The following PTPRO variants were observed in gnomAD, a reference collection of about 807,000 sequenced individuals.
PTPRO encodes the protein protein tyrosine phosphatase receptor type O, also known as receptor-type tyrosine-protein phosphatase O.
PTPRO carries 62 observed loss-of-function variants against 145.2 expected under a neutral mutation model. The ratio of observed to expected loss-of-function variants is 0.43; its 90% CI spans 0.35 to 0.53. The LOEUF is 0.53. Among genes scored for constraint, PTPRO ranks in the 20% least tolerant of loss-of-function variants. The pLI, the probability that PTPRO is intolerant of heterozygous loss-of-function variation, is 0.01. For synonymous variants in PTPRO, 565 were observed against 514.7 expected, an observed-to-expected ratio of 1.10 and a Z score of -1.32; for missense variants, 1,345 against 1,482.7, an observed-to-expected ratio of 0.91 and a Z score of 1.53.
intron 1 of PTPRO, among the ~76,000 whole-genome samples, chr12:15,444,433 A>G (rs1940849699): frequency 1.3e-5 from 2 of 152,272 alleles, no homozygotes; most frequent in South Asian, 2.1e-4. Context: ...AAACCTCAGC[A>G]TCACACAATA....
intron 7 of PTPRO, among the ~76,000 whole-genome samples, chr12:15,514,294 A>G (rs1022331896): frequency 2.0e-5 from 3 of 151,998 alleles, no homozygotes; most frequent in African/African-American, 7.2e-5. Context: ...TCTACTAAAA[A>G]TACAAAAATT....
chr12:15,347,995 T>G (rs372216422), intron 1 of PTPRO, among the ~76,000 whole-genome samples: 1 of 152,132 alleles, frequency 6.6e-6, no homozygotes, highest in East Asian at 1.9e-4. Flanking sequence ...TATTTATAGA[T>G]CATCTAAAAT....
At chr12:15,469,549 G>A (rs1420904857) in intron 1 of PTPRO, among the ~76,000 whole-genome samples, 1 of 152,140 alleles carries the variant, frequency 6.6e-6, no homozygotes, top group Non-Finnish European at 1.5e-5. Flanking sequence ...TCTCAGCACA[G>A]TAGGCCCTAA....
In PTPRO at chr12:15,355,494, T is replaced by C. The variant is rs538764471; in HGVS notation, c.75+32693T>C. Reference sequence around the variant, plus strand: ...AAACCCTTCCAGCATGTAAATGCAATGCTTGGTGAGGCCTTTCCTGAAAAG... The same window carrying C: ...AAACCCTTCCAGCATGTAAATGCAACGCTTGGTGAGGCCTTTCCTGAAAAG... On this transcript the variant is annotated intron_variant, in intron 1 of 26. Transcript: ENST00000281171. Among the ~76,000 whole-genome samples, 6 of 151,002 alleles carry C rather than the reference T, an allele frequency of 4.0e-5. No homozygotes were observed. The South Asian group carries it at 1.3e-3, about 32-fold the overall frequency.
intron 1 of PTPRO, among the ~76,000 whole-genome samples, chr12:15,481,571 A>C (rs1316175713): frequency 6.6e-6 from 1 of 152,206 alleles, no homozygotes; most frequent in Non-Finnish European, 1.5e-5. Context: ...CATGAAAAGC[A>C]CTTAGCATAT....
Position 15,409,828 on chromosome 12 carries a change from C to T in PTPRO, c.76-74146C>T, listed in dbSNP as rs573224149. On this transcript the variant is annotated intron_variant, in intron 1 of 26. Transcript: ENST00000281171. ...CAGTACCAAGGGGGAGGGTGCTAAA[C>T]CCTTCATGAGAAATCTACCCCCATG... Among the ~76,000 whole-genome samples, 5 of 152,312 alleles carry T rather than the reference C, an allele frequency of 3.3e-5. No individual in the cohort carries two copies. The South Asian group carries it at 1.0e-3, about 32-fold the overall frequency.
chr12:15,406,377 G>C (rs1033750406), intron 1 of PTPRO, among the ~76,000 whole-genome samples: 4 of 152,154 alleles, frequency 2.6e-5, no homozygotes, highest in Admixed American at 2.6e-4. Flanking sequence ...TGAAATTCGT[G>C]TTTCTGGAGC....
At chr12:15,504,427 G>T (rs937315445) in intron 6 of PTPRO, among the ~76,000 whole-genome samples, 1 of 152,152 alleles carries the variant, frequency 6.6e-6, no homozygotes, top group African/African-American at 2.4e-5. Flanking sequence ...TTATAGGACT[G>T]TGAAAAATCT....
At chr12:15,503,537 T>A (rs1428730230) in intron 5 of PTPRO, among the ~76,000 whole-genome samples, 1 of 152,174 alleles carries the variant, frequency 6.6e-6, no homozygotes, top group Admixed American at 6.6e-5. Context: ...AGATATTTGA[T>A]CCTGGTTATT....
chr12:15,354,511 A>G (rs1292789054), intron 1 of PTPRO, among the ~76,000 whole-genome samples: 1 of 152,156 alleles, frequency 6.6e-6, no homozygotes, highest in Non-Finnish European at 1.5e-5. Context: ...GTTTTCTCAT[A>G]AATGCATTTT....
At chr12:15,394,405 A>G (rs1481607745) in intron 1 of PTPRO, among the ~76,000 whole-genome samples, 6 of 152,054 alleles carry the variant, frequency 3.9e-5, no homozygotes, top group Non-Finnish European at 8.8e-5. Context: ...AGTAGTGCCA[A>G]GCAGCGGCAT....
At chr12:15,497,080 G>A (rs1393881905) in intron 2 of PTPRO, among the ~76,000 whole-genome samples, 165 bp from the exon 3 acceptor site, 2 of 152,216 alleles carry the variant, frequency 1.3e-5, no homozygotes, top group Admixed American at 1.3e-4. Context: ...ATTAATTACT[G>A]CTAAGAACAT....
rs1296944248 is a variant in PTPRO, at chr12:15,580,057, G to T, written c.2939G>T (p.Arg980Ile). The part of the protein sequence containing the change: ...NILPYDFSRV[R>I]LVSMNEEEGA... ...TCTACAGATGACTTCAGCCGTGTGA[G>T]ATTAGTCTCCATGAATGAAGAGGAA... Residue 980 changes from arginine to isoleucine, a missense_variant, in exon 21 of 27, where the codon AGA (arginine) becomes ATA (isoleucine). Physicochemically the swap from Arg to Ile is moderately conservative, Grantham distance 97. Coordinates refer to ENST00000281171, the MANE Select transcript of PTPRO (RefSeq NM_030667.3). 6.2e-7 allele frequency: 1 copy of T among 1,612,724 alleles called. No homozygotes were observed. The highest frequency in any genetic ancestry group is 1.3e-5 in the African/African-American group (1 of 74,856).
chr12:15,435,319 A>G (rs929754352), intron 1 of PTPRO, among the ~76,000 whole-genome samples: 1 of 152,212 alleles, frequency 6.6e-6, no homozygotes, highest in African/African-American at 2.4e-5. Flanking sequence ...CACAATTTTC[A>G]TATGTATTGA....
At position 15,549,057 on chromosome 12, in the gene PTPRO, G is replaced by A. The variant is rs1226849446; in HGVS notation, c.2305-37G>A. The A allele has an allele frequency of 1.1e-5, 17 of 1,604,146 alleles. No homozygotes were observed. In the South Asian group the frequency reaches 1.9e-4, roughly 18 times the overall value. On this transcript the variant is annotated intron_variant, in intron 13 of 26. Coordinates refer to ENST00000281171, the MANE Select transcript of PTPRO (RefSeq NM_030667.3). The stretch of plus-strand genomic sequence containing the variant: ...TATATTTTTAAAAAATATAGATGAA[G>A]TTAACCTAAAATTTACCTTATTTTC...
intron 12 of PTPRO, among the ~76,000 whole-genome samples, chr12:15,545,413 T>A (rs1185371231): frequency 1.3e-5 from 2 of 150,158 alleles, no homozygotes; most frequent in Non-Finnish European, 3.0e-5. Context: ...AAACCTTGAG[T>A]TCAGGCACAG....
Position 15,526,148 on chromosome 12 carries a change from C to T in PTPRO, c.2050C>T (p.Arg684Cys), listed in dbSNP as rs754853238. 49 of 1,613,812 alleles carry T rather than the reference C, an allele frequency of 3.0e-5. No individual in the cohort carries two copies. Among genetic ancestry groups the T allele is most frequent in the Non-Finnish European group, 4.0e-5 (47 of 1,179,924 alleles). Residue 684 changes from arginine to cysteine, a missense_variant, in exon 12 of 27, where the codon CGC becomes TGC. By Grantham distance (180) the Arg-to-Cys change is radical (BLOSUM62 -3). Coordinates refer to ENST00000281171, the MANE Select transcript of PTPRO (RefSeq NM_030667.3). Reference protein sequence around the residue: ...GKKKIKKSVTRNVMTAILSLP... With the variant: ...GKKKIKKSVTCNVMTAILSLP... ...GATTTTGATGATCTTGCAGGTAACA[C>T]GCAATGTCATGACTGCAATTCTCAG...
rs142412632 is a variant in PTPRO, at chr12:15,455,722, T to G, written c.76-28252T>G. ...TTGATTTTGTATCCTGTGACTTTGC[T>G]GAACTCATTTGTTACTTCTAACAGT... On this transcript the variant is annotated intron_variant, in intron 1 of 26. Transcript: ENST00000281171. 1.3e-3 allele frequency among the ~76,000 whole-genome samples: 205 copies of G among 152,344 alleles called. 1 individual carries two copies. Among genetic ancestry groups the G allele is most frequent in the Non-Finnish European group, 1.1e-3 (75 of 68,022 alleles).
intron 1 of PTPRO, among the ~76,000 whole-genome samples, chr12:15,406,560 T>G (rs965567562): frequency 6.6e-6 from 1 of 152,228 alleles, no homozygotes; most frequent in African/African-American, 2.4e-5. Flanking sequence ...AATTTCTGAT[T>G]AGGCTGATTA....
Sources: gnomAD v4.1 joint callset for allele counts (sites outside exome capture counted in the v4.1 genomes callset) on GRCh38, gnomAD v4.1.1 for gene constraint, MANE v1.5 for transcripts, NCBI Gene and HGNC (gene_info 2026-07-23, HGNC 2026-07-21) for gene names.